The following DNAJC21 variants were observed in gnomAD, a reference collection of about 807,000 sequenced individuals.
DNAJC21 encodes DnaJ heat shock protein family (Hsp40) member C21.
A neutral mutation model predicts 72.4 loss-of-function variants in DNAJC21; 63 were observed. That is an observed-to-expected ratio of 0.87 (90% confidence interval 0.71 to 1.07). The LOEUF is 1.07. DNAJC21 is among the 50% of genes least tolerant of loss of function. The pLI is 0.00. For synonymous variants in DNAJC21, 203 were observed against 216.7 expected (o/e 0.94, Z 0.56); for missense variants, 634 against 644.8 (o/e 0.98, Z 0.18).
intron 2 of DNAJC21, 81 bp downstream of exon 2, chr5:34,933,989 T>G: frequency 7.9e-7 from 1 of 1,261,172 alleles, no homozygotes; most frequent in East Asian, 2.5e-5. Flanking sequence ...TTTTCAAATT[T>G]AGTACATTAA....
chr5:34,942,695 A>C (rs1453452602), intron 7 of DNAJC21, among the ~76,000 whole-genome samples: 1 of 152,220 alleles, frequency 6.6e-6, no homozygotes, highest in African/African-American at 2.4e-5. Context: ...ACACACACAC[A>C]GTATTTTTCT....
chr5:34,952,823 A>G (rs1221612419), intron 10 of DNAJC21: 2 of 152,180 alleles, frequency 1.3e-5, no homozygotes, highest in African/African-American at 2.4e-5. Context: ...CTGTGCGACT[A>G]TTGAAGTGTT....
At chr5:34,943,533 A>G (rs957247094) in intron 7 of DNAJC21, among the ~76,000 whole-genome samples, 1 of 152,180 alleles carries the variant, frequency 6.6e-6, no homozygotes, top group Admixed American at 6.5e-5. Flanking sequence ...TTTACTATAG[A>G]GTTAGTATTT....
intron 9 of DNAJC21, chr5:34,949,790 G>GAAAA (rs1765298703): frequency 1.3e-6 from 2 of 1,514,966 alleles, no homozygotes; most frequent in Admixed American, 4.2e-5. Flanking sequence ...TTGGAATATG[G>GAAAA]AAAAGTATCA....
rs758909394 is a variant in DNAJC21, at chr5:34,936,262, A to G, written c.434A>G (p.Asp145Gly). 2.2e-5 allele frequency: 35 copies of G among 1,606,170 alleles called. No homozygotes were observed. Among genetic ancestry groups the G allele is most frequent in the Admixed American group, 1.0e-4 (6 of 57,470 alleles). ...PTFGDSQSDY[D>G]TVVHPFYAYW... ...TTTGGAGACTCCCAGAGTGACTATG[A>G]TACGGTAAAATAAAAATGCATTGTT... is the stretch of plus-strand genomic sequence containing the variant. The change falls in exon 4 of 12, where the codon GAT becomes GGT. Residue 145 changes from aspartate to glycine, a missense_variant. Coordinates refer to ENST00000648817, the MANE Select transcript of DNAJC21 (RefSeq NM_001012339.3).
At chr5:34,953,871 G>C in intron 10 of DNAJC21, 55 bp from the exon 11 acceptor site, 2 of 1,404,454 alleles carry the variant, frequency 1.4e-6, no homozygotes, top group Non-Finnish European at 2.0e-6. Flanking sequence ...CTCAAATAAT[G>C]ATGGTTAAAA....
Position 34,957,541 on chromosome 5 carries a change from T to G in DNAJC21, c.*2827T>G, listed in dbSNP as rs990021277. ...ACATCAGAGTTCATGACCTAGTGAT[T>G]GCTGGTGAAGTAATATTGGAATTTT... On this transcript the variant is annotated 3_prime_UTR_variant, in exon 12 of 12. Transcript: ENST00000648817. 1 of 152,146 alleles carries G rather than the reference T, an allele frequency of 6.6e-6. No individual in the cohort carries two copies. The highest frequency in any genetic ancestry group is 6.5e-5 in the Admixed American group (1 of 15,278). 9.4% of individuals were successfully genotyped at this position (152,146 alleles called of 1,614,324 possible).
Position 34,958,438 on chromosome 5 carries a change from C to A in DNAJC21, c.*3724C>A, listed in dbSNP as rs912881731. On this transcript the variant is annotated 3_prime_UTR_variant, in exon 12 of 12. Transcript: ENST00000648817. Reference sequence around the variant, plus strand: ...CCCCAAAAACAAAGGGATTAAAGACCTAAATATGAAGACAAAACTTTTAAA... The same window carrying A: ...CCCCAAAAACAAAGGGATTAAAGACATAAATATGAAGACAAAACTTTTAAA... 2.6e-5 allele frequency: 4 copies of A among 152,088 alleles called. No homozygotes were observed. Among genetic ancestry groups the A allele is most frequent in the African/African-American group, 7.2e-5 (3 of 41,400 alleles). 9.4% of individuals were successfully genotyped at this position (152,088 alleles called of 1,614,324 possible). A position where few individuals can be genotyped will look rare whatever the true frequency, so the allele number is the denominator to read the frequency against.
intron 2 of DNAJC21, 132 bp from the exon 3 acceptor site, chr5:34,935,577 TA>T: frequency 1.0e-6 from 1 of 984,412 alleles, no homozygotes; most frequent in Non-Finnish European, 1.5e-6. Context: ...AATATTTCAT[TA>T]AAAATTTTTG....
rs767159672 is a variant in DNAJC21 at position 34,941,174 on chromosome 5, C to T, written c.974C>T (p.Thr325Ile). The T allele has an allele frequency of 3.1e-6, 5 of 1,613,908 alleles. No individual in the cohort carries two copies. In the East Asian group the frequency reaches 1.1e-4, roughly 36 times the overall value. ...CCAGCATGTGACAAATCGTTCAAGACAGAAAAGGCGTAAGTTTATTAATTT... is the reference window on the plus strand; with the variant it reads ...CCAGCATGTGACAAATCGTTCAAGATAGAAAAGGCGTAAGTTTATTAATTT... ...YCPACDKSFK[T>I]EKAMKNHEKS... is the part of the protein sequence containing the mutation. Residue 325 changes from threonine (T) to isoleucine (I), a missense_variant, in exon 7 of 12, where the codon ACA becomes ATA. Physicochemically the swap from Thr to Ile is moderately conservative, Grantham distance 89. Coordinates refer to ENST00000648817, the MANE Select transcript of DNAJC21 (RefSeq NM_001012339.3).
chr5:34,948,370 T>C (rs1765241258), intron 9 of DNAJC21, among the ~76,000 whole-genome samples: 1 of 152,094 alleles, frequency 6.6e-6, no homozygotes, highest in South Asian at 2.1e-4. Flanking sequence ...ACTAGGAAAG[T>C]GGAACGTGAG....
Position 34,957,815 on chromosome 5 carries a change from G to T in DNAJC21, c.*3101G>T, listed in dbSNP as rs958131263. The T allele has an allele frequency of 2.0e-5, 3 of 152,204 alleles. No homozygotes were observed. The highest frequency in any genetic ancestry group is 4.8e-5 in the African/African-American group (2 of 41,464). 9.4% of individuals were successfully genotyped at this position (152,204 alleles called of 1,614,324 possible). On this transcript the variant is annotated 3_prime_UTR_variant, in exon 12 of 12. Coordinates refer to ENST00000648817, the MANE Select transcript of DNAJC21 (RefSeq NM_001012339.3). ...AACCTTCAACATAAAATAATGAAGA[G>T]AACTTTTAAACTTTTTTATGAATTC...
chr5:34,938,635 C>G (rs1029017929), intron 5 of DNAJC21, among the ~76,000 whole-genome samples: 1 of 152,194 alleles, frequency 6.6e-6, no homozygotes, highest in African/African-American at 2.4e-5. Context: ...TTTCATGTTT[C>G]AAAACCTGTT....
intron 1 of DNAJC21, among the ~76,000 whole-genome samples, chr5:34,931,638 G>A (rs183188740): frequency 2.6e-5 from 4 of 152,114 alleles, no homozygotes; most frequent in East Asian, 1.9e-4. Context: ...AATTTGCTTC[G>A]CTAAATAAGG....
Position 34,937,604 on chromosome 5 carries a change from G to A in DNAJC21, c.717G>A (p.Arg239=). ...AGGCGAGGAAAGCCGAAGAGATGAG[G>A]CGGCAGCAGAAGCTAAAGCAGGCCA... ...AEKARKAEEM[R]RQQKLKQAKL... Residue 239 remains arginine, a synonymous_variant, in exon 5 of 12, where the codon AGG becomes AGA. Transcript: ENST00000648817. The A allele has an allele frequency of 6.2e-7, 1 of 1,613,096 alleles. No homozygotes were observed. Among genetic ancestry groups the A allele is most frequent in the Non-Finnish European group, 8.5e-7 (1 of 1,179,364 alleles).
In DNAJC21 at chr5:34,929,676, C is replaced by T. The variant is rs533251202; in HGVS notation, c.-144C>T. On this transcript the variant is annotated 5_prime_UTR_variant, in exon 1 of 12. Coordinates refer to ENST00000648817, the MANE Select transcript of DNAJC21 (RefSeq NM_001012339.3). The stretch of plus-strand genomic sequence containing the variant: ...ACACCACCGCCGCCGCCGCCGCCGC[C>T]GCCGGGCTCGCTGGCTGGCCCGGTG... The T allele has an allele frequency of 2.4e-3, 475 of 199,576 alleles. No individual in the cohort carries two copies. The highest frequency in any genetic ancestry group is 0.011 in the African/African-American group (454 of 41,716). 12.4% of individuals were successfully genotyped at this position (199,576 alleles called of 1,614,324 possible).
intron 6 of DNAJC21, among the ~76,000 whole-genome samples, chr5:34,939,225 A>G (rs1386829382): frequency 6.6e-6 from 1 of 152,138 alleles, no homozygotes; most frequent in Non-Finnish European, 1.5e-5. Context: ...TTCTAGCTGC[A>G]TAATATGACA....
chr5:34,935,972 G>T lies in DNAJC21; in HGVS notation c.315+139G>T, dbSNP rs934579705. 17 of 1,407,734 alleles carry T rather than the reference G, an allele frequency of 1.2e-5. No individual in the cohort carries two copies. In the Admixed American group the frequency reaches 3.6e-4, roughly 30 times the overall value. The allele number at this position is 1,407,734 out of a possible 1,614,324, so 87.2% of individuals were successfully genotyped here. ...AAAACTGAAGATGCATTGCCTTCAT[G>T]TTTAAGCTGTCAGTGTATAAAAACC... On this transcript the variant is annotated intron_variant, in intron 3 of 11. Transcript: ENST00000648817.
At chr5:34,953,169 T>C (rs1765433418) in intron 10 of DNAJC21, among the ~76,000 whole-genome samples, 1 of 152,046 alleles carries the variant, frequency 6.6e-6, no homozygotes, top group South Asian at 2.1e-4. Flanking sequence ...GTTAATGTTT[T>C]TGGGGAACCA....
Sources: allele counts gnomAD v4.1 joint callset (sites outside exome capture counted in the v4.1 genomes callset), GRCh38; gene constraint gnomAD v4.1.1; transcripts MANE v1.5; gene names NCBI Gene and HGNC (gene_info 2026-07-23, HGNC 2026-07-21).